Variants in ADAMTS20 observed in about 807,000 individuals in gnomAD.
ADAMTS20 encodes the protein ADAM metallopeptidase with thrombospondin type 1 motif 20.
ADAMTS20 carries 225 observed loss-of-function variants against 260.1 expected under a neutral mutation model. That is an observed-to-expected ratio of 0.87 (90% CI 0.78 to 0.97). The LOEUF (loss-of-function observed/expected upper bound fraction) is 0.97. Ranked by LOEUF, ADAMTS20 falls within the 50% of genes least tolerant of loss-of-function variation. The pLI, the probability that ADAMTS20 is intolerant of heterozygous loss-of-function variation, is 0.00. For missense variants in ADAMTS20, 2,400 were observed against 2,337.7 expected (o/e 1.03, Z -0.55); for synonymous variants, 802 against 769.5 (o/e 1.04, Z -0.70).
At chr12:43,436,094 GA>G (rs370692444) in intron 18 of ADAMTS20, among the ~76,000 whole-genome samples, 30 of 151,368 alleles carry the variant, frequency 2.0e-4, no homozygotes, top group African/African-American at 3.9e-4. Context: ...AAAAGGAAAA[GA>G]AAAAAAACAG....
At position 43,452,373 on chromosome 12, in the gene ADAMTS20, A is replaced by C; in HGVS notation, c.1980T>G (p.Val660=). The C allele has an allele frequency of 6.2e-7, 1 of 1,613,356 alleles. No homozygotes were observed. Among genetic ancestry groups the C allele is most frequent in the Non-Finnish European group, 8.5e-7 (1 of 1,179,590 alleles). ...TKDRCKLYCQ[V]AGTNYFYLLK... is the part of the protein sequence containing the mutation. ...ATAGGTAGAAATAATTGGTTCCAGCAACCTGACAATAGAGTTTACAACGAT... is the reference window on the plus strand; with the variant it reads ...ATAGGTAGAAATAATTGGTTCCAGCCACCTGACAATAGAGTTTACAACGAT... Residue 660 remains valine (V), a synonymous_variant, in exon 14 of 39, where the codon GTT becomes GTG. Coordinates refer to ENST00000389420, the MANE Select transcript of ADAMTS20 (RefSeq NM_025003.5).
At chr12:43,385,690 A>T (rs1031225219) in intron 29 of ADAMTS20, among the ~76,000 whole-genome samples, 3 of 152,198 alleles carry the variant, frequency 2.0e-5, no homozygotes, top group Non-Finnish European at 2.9e-5. Context: ...TCCCAACACC[A>T]TTTATTAAAT....
chr12:43,524,645 G>A (rs1407063748), intron 3 of ADAMTS20, among the ~76,000 whole-genome samples: 1 of 152,066 alleles, frequency 6.6e-6, no homozygotes, highest in East Asian at 1.9e-4. Context: ...AAATTTTAAA[G>A]AGATAGATAT....
intron 18 of ADAMTS20, among the ~76,000 whole-genome samples, chr12:43,436,542 C>CT (rs1273663507): frequency 6.6e-6 from 1 of 151,888 alleles, no homozygotes; most frequent in Admixed American, 6.6e-5. Flanking sequence ...ATTTTACGTT[C>CT]TTTTTTCATT....
rs755587819 is a variant in ADAMTS20 at position 43,532,101 on chromosome 12, T to A, written c.548A>T (p.His183Leu). 38 of 1,612,290 alleles carry A rather than the reference T, an allele frequency of 2.4e-5. No individual in the cohort carries two copies. Among genetic ancestry groups the A allele is most frequent in the Non-Finnish European group, 2.9e-5 (34 of 1,179,208 alleles). ...ATTTAAGTCTTGTCTGTATATAAGA[T>A]GTGGCTTGTTGTGACCATCTTCATA... is the stretch of plus-strand genomic sequence containing the variant. ...NEYEDGHNKP[H>L]LIYRQDLNNS... The change falls in exon 3 of 39, where the codon CAT becomes CTT. Residue 183 changes from histidine (H) to leucine (L), a missense_variant. Physicochemically the swap from His to Leu is moderately conservative, Grantham distance 99 (BLOSUM62 -3). Transcript: ENST00000389420.
chr12:43,378,158 G>T (rs959231636), intron 31 of ADAMTS20, among the ~76,000 whole-genome samples: 2 of 152,148 alleles, frequency 1.3e-5, no homozygotes, highest in Admixed American at 6.5e-5. Context: ...AATATATAAA[G>T]CAATGGCTTT....
chr12:43,500,044 T>A (rs916743051), intron 4 of ADAMTS20, among the ~76,000 whole-genome samples: 2 of 151,970 alleles, frequency 1.3e-5, no homozygotes, highest in African/African-American at 4.8e-5. Flanking sequence ...CTTTTTTTTT[T>A]TTGAGAGAGA....
intron 3 of ADAMTS20, among the ~76,000 whole-genome samples, chr12:43,512,888 A>G (rs979937903): frequency 6.6e-6 from 1 of 152,192 alleles, no homozygotes; most frequent in Non-Finnish European, 1.5e-5. Flanking sequence ...TGACTCTTCT[A>G]AAGGTTGAAT....
At chr12:43,517,358 G>T (rs1438557356) in intron 3 of ADAMTS20, among the ~76,000 whole-genome samples, 1 of 151,950 alleles carries the variant, frequency 6.6e-6, no homozygotes, top group Non-Finnish European at 1.5e-5. Flanking sequence ...GCTGAATATA[G>T]GGCCAATATT....
chr12:43,371,223 C>T (rs1282558566), intron 36 of ADAMTS20, among the ~76,000 whole-genome samples: 1 of 152,146 alleles, frequency 6.6e-6, no homozygotes, highest in African/African-American at 2.4e-5. Context: ...CATGCTTCTC[C>T]CTCCTCCTAA....
chr12:43,492,754 T>G (rs1942622708), intron 5 of ADAMTS20, 125 bp from the exon 6 acceptor site: 2 of 1,053,934 alleles, frequency 1.9e-6, no homozygotes, highest in Admixed American at 4.9e-5. Flanking sequence ...AGTGACAGCA[T>G]CTCTTCTTCA....
chr12:43,513,862 G>A (rs1209206971), intron 3 of ADAMTS20, among the ~76,000 whole-genome samples: 6 of 149,448 alleles, frequency 4.0e-5, no homozygotes, highest in Admixed American at 3.3e-4. Context: ...ATTGAACAAT[G>A]AGAACACATA....
At chr12:43,500,579 C>T (rs572515182) in intron 4 of ADAMTS20, among the ~76,000 whole-genome samples, 3 of 152,232 alleles carry the variant, frequency 2.0e-5, no homozygotes, top group African/African-American at 7.2e-5. Flanking sequence ...AAATTTCTAT[C>T]TATACTTCTG....
At chr12:43,405,229 C>A (rs866156317) in intron 28 of ADAMTS20, among the ~76,000 whole-genome samples, 857 of 52,772 alleles carry the variant, frequency 0.016, 25 homozygotes, top group African/African-American at 0.069. Flanking sequence ...CTCATCTCTA[C>A]AAAAAAAAAA....
intron 29 of ADAMTS20, among the ~76,000 whole-genome samples, chr12:43,384,460 AT>A (rs924084414): frequency 9.2e-5 from 14 of 151,880 alleles, no homozygotes; most frequent in African/African-American, 3.1e-4. Context: ...ATACTTGCTA[AT>A]TTTTTTTAAT....
intron 37 of ADAMTS20, among the ~76,000 whole-genome samples, chr12:43,364,330 G>A (rs1208154869): frequency 1.3e-5 from 2 of 152,234 alleles, no homozygotes; most frequent in East Asian, 1.9e-4. Context: ...GGCATACAAA[G>A]CATGATGCAT....
chr12:43,400,917 T>C (rs1940797615), intron 28 of ADAMTS20, among the ~76,000 whole-genome samples: 1 of 151,994 alleles, frequency 6.6e-6, no homozygotes, highest in African/African-American at 2.4e-5. Context: ...TGAATAGTCA[T>C]GCAAAGATTC....
chr12:43,549,853 G>A (rs1159032939), intron 2 of ADAMTS20, among the ~76,000 whole-genome samples: 1 of 152,146 alleles, frequency 6.6e-6, no homozygotes, highest in Non-Finnish European at 1.5e-5. Flanking sequence ...AGCTAAAGGA[G>A]TATTACATTT....
At chr12:43,481,696 T>G (rs115120689) in intron 7 of ADAMTS20, among the ~76,000 whole-genome samples, 2,008 of 152,290 alleles carry the variant, frequency 0.013, 47 homozygotes, top group African/African-American at 0.046. Flanking sequence ...AAACATTTAC[T>G]TTAACAATAG....
Sources: allele counts gnomAD v4.1 joint callset (sites outside exome capture counted in the v4.1 genomes callset), GRCh38; gene constraint gnomAD v4.1.1; transcripts MANE v1.5; gene names NCBI Gene and HGNC (gene_info 2026-07-23, HGNC 2026-07-21).